ZNF184: variants seen among roughly 807,000 people sequenced by gnomAD.
ZNF184 encodes zinc finger protein 184 (Kruppel-like).
A neutral mutation model predicts 54.4 loss-of-function variants in ZNF184; 16 were observed. The observed-to-expected ratio is 0.29, with a 90% CI of 0.20 to 0.45. ZNF184 has a LOEUF of 0.45. Among genes scored for constraint, ZNF184 ranks in the 20% least tolerant of loss-of-function variants. ZNF184 has a pLI of 1.00. For missense variants in ZNF184, 681 were observed against 888.2 expected (o/e 0.77, Z 2.97); for synonymous variants, 254 against 295.3 (o/e 0.86, Z 1.43).
At chr6:27,464,843 C>T (rs756508545) in intron 3 of ZNF184, among the ~76,000 whole-genome samples, 33 of 148,352 alleles carry the variant, frequency 2.2e-4, no homozygotes, top group Non-Finnish European at 4.2e-4. Flanking sequence ...GGTGAAACCC[C>T]GTCTCTACTA....
chr6:27,449,207 C>T (rs1762671673), downstream of ZNF184, among the ~76,000 whole-genome samples: 1 of 152,182 alleles, frequency 6.6e-6, no homozygotes, highest in African/African-American at 2.4e-5. Flanking sequence ...AATGCTTAGT[C>T]TCTATATGCC....
chr6:27,439,121 GA>G, the ZNF184 span, among the ~76,000 whole-genome samples: 1 of 152,054 alleles, frequency 6.6e-6, no homozygotes, highest in Non-Finnish European at 1.5e-5. Context: ...CCTCTTTCCA[GA>G]CCTCCTAAAC....
downstream of ZNF184, among the ~76,000 whole-genome samples, chr6:27,448,517 A>G (rs1357393960): frequency 6.6e-6 from 1 of 152,164 alleles, no homozygotes; most frequent in Non-Finnish European, 1.5e-5. Flanking sequence ...ATAGAATGCT[A>G]AATCCTTACC....
At chr6:27,430,261 A>G in the ZNF184 span, among the ~76,000 whole-genome samples, 1 of 152,152 alleles carries the variant, frequency 6.6e-6, no homozygotes, top group Non-Finnish European at 1.5e-5. Flanking sequence ...ATCCCAGAGT[A>G]GCATATTTTA....
In ZNF184 at chr6:27,452,936, C is replaced by T; in HGVS notation, c.623G>A (p.Ser208Asn). The T allele has an allele frequency of 1.2e-6, 2 of 1,614,146 alleles. No individual in the cohort carries two copies. The highest frequency in any genetic ancestry group is 1.7e-6 in the Non-Finnish European group (2 of 1,180,004). Reference sequence around the variant, plus strand: ...AACTGGGTTTGAATTCTGTTTGATGCTTCTTTTAGTAGAGGTCTCTTCTGG... The same window carrying T: ...AACTGGGTTTGAATTCTGTTTGATGTTTCTTTTAGTAGAGGTCTCTTCTGG... Reference protein sequence around the residue: ...PSPEETSTKRSIKQNSNPVKK... With the variant: ...PSPEETSTKRNIKQNSNPVKK... The change falls in exon 6 of 6, where the codon AGC becomes AAC. Residue 208 changes from serine to asparagine, a missense_variant. Coordinates refer to ENST00000683788, the MANE Select transcript of ZNF184 (RefSeq NM_001318891.2). The surrounding 1 kb of genome is among the most constrained non-coding windows in gnomAD (Gnocchi z 5.5).
chr6:27,446,957 C>T (rs1762643881), downstream of ZNF184, among the ~76,000 whole-genome samples: 1 of 151,762 alleles, frequency 6.6e-6, no homozygotes, highest in African/African-American at 2.4e-5. Context: ...CCAGCCTGGC[C>T]AACCTGGTGA....
At chr6:27,457,182 A>T in intron 4 of ZNF184, 101 bp downstream of exon 4, 1 of 1,453,698 alleles carries the variant, frequency 6.9e-7, no homozygotes, top group South Asian at 1.4e-5. Flanking sequence ...AGAAATTTAG[A>T]AATGGTTGGT....
chr6:27,415,694 T>G, the ZNF184 span, among the ~76,000 whole-genome samples: 1 of 152,184 alleles, frequency 6.6e-6, no homozygotes, highest in Non-Finnish European at 1.5e-5. Context: ...CAGGCTTCTC[T>G]TATCATGTAA....
chr6:27,415,156 G>C, the ZNF184 span, among the ~76,000 whole-genome samples: 1 of 152,266 alleles, frequency 6.6e-6, no homozygotes. Flanking sequence ...AACTCAGTGG[G>C]GGCTGTTGGT....
chr6:27,445,047 G>A, the ZNF184 span, among the ~76,000 whole-genome samples: 4 of 152,152 alleles, frequency 2.6e-5, no homozygotes, highest in African/African-American at 9.7e-5. Flanking sequence ...ATTTGTCAAT[G>A]TCAACTAAAG....
chr6:27,408,738 T>G, the ZNF184 span, among the ~76,000 whole-genome samples: 1 of 152,262 alleles, frequency 6.6e-6, no homozygotes, highest in African/African-American at 2.4e-5. Flanking sequence ...ATCTTGAATT[T>G]AAATGTTTTC....
the ZNF184 span, among the ~76,000 whole-genome samples, chr6:27,418,736 C>T: frequency 1.6e-4 from 25 of 152,136 alleles, no homozygotes; most frequent in Middle Eastern, 0.014. Context: ...GATTTATAAA[C>T]ATTACTTATA....
chr6:27,409,008 G>T, the ZNF184 span, among the ~76,000 whole-genome samples: 5,434 of 152,246 alleles, frequency 0.036, 204 homozygotes, highest in African/African-American at 0.095. Flanking sequence ...AATCAGGAAA[G>T]ATTAGAAAAG....
At chr6:27,457,657 C>T (rs368356547) in intron 3 of ZNF184, among the ~76,000 whole-genome samples, 17 of 152,060 alleles carry the variant, frequency 1.1e-4, no homozygotes, top group East Asian at 5.8e-4. Context: ...GTCAATATGG[C>T]CATTGTTGTT....
At chr6:27,425,378 G>A in the ZNF184 span, among the ~76,000 whole-genome samples, 3 of 152,266 alleles carry the variant, frequency 2.0e-5, no homozygotes, top group Non-Finnish European at 4.4e-5. Flanking sequence ...CTGCCAGCAC[G>A]CTGTCACCTC....
chr6:27,437,366 C>T, the ZNF184 span, among the ~76,000 whole-genome samples: 4 of 152,070 alleles, frequency 2.6e-5, no homozygotes, highest in African/African-American at 4.8e-5. Flanking sequence ...CTGAAAGGGG[C>T]CTTTAGAGCT....
intron 3 of ZNF184, among the ~76,000 whole-genome samples, chr6:27,465,683 T>G (rs1477406224): frequency 1.3e-5 from 2 of 152,044 alleles, no homozygotes; most frequent in Admixed American, 1.3e-4. Context: ...AGTCAACTGA[T>G]TAAGAGAACA....
the ZNF184 span, among the ~76,000 whole-genome samples, chr6:27,435,106 A>G: frequency 1.3e-5 from 2 of 151,978 alleles, no homozygotes; most frequent in Non-Finnish European, 2.9e-5. Flanking sequence ...AACTTTGTCT[A>G]TTTATTTATT....
chr6:27,418,117 T>C, the ZNF184 span, among the ~76,000 whole-genome samples: 1 of 152,244 alleles, frequency 6.6e-6, no homozygotes, highest in Non-Finnish European at 1.5e-5. Context: ...ATGGAGGCTG[T>C]ATCTTTCCAG....
Sources: gnomAD v4.1 joint callset for allele counts (sites outside exome capture counted in the v4.1 genomes callset) on GRCh38, gnomAD v4.1.1 for gene constraint, Gnocchi (gnomAD v3.1) non-coding constraint, MANE v1.5 for transcripts, NCBI Gene and HGNC (gene_info 2026-07-23, HGNC 2026-07-21) for gene names.